Variants in ADCY7 observed in about 807,000 individuals in gnomAD.
ADCY7 encodes adenylate cyclase type 7.
ADCY7 carries 72 observed loss-of-function variants against 120.6 expected under a neutral mutation model. The ratio of observed to expected loss-of-function variants is 0.60; its 90% CI spans 0.49 to 0.73. The LOEUF (loss-of-function observed/expected upper bound fraction) is 0.73. ADCY7 is among the 30% of genes least tolerant of loss of function. The pLI is 0.00. For synonymous variants in ADCY7, 661 were observed against 628.0 expected, an observed-to-expected ratio of 1.05 and a Z score of -0.78; for missense variants, 1,227 against 1,486.0, an observed-to-expected ratio of 0.83 and a Z score of 2.87.
intron 1 of ADCY7, among the ~76,000 whole-genome samples, chr16:50,282,987 G>A (rs997084109): frequency 6.6e-6 from 1 of 152,198 alleles, no homozygotes; most frequent in Non-Finnish European, 1.5e-5. Flanking sequence ...AGCCTGGAAA[G>A]TGTGATGGAG....
At chr16:50,276,448 G>T (rs975215250) in intron 1 of ADCY7, among the ~76,000 whole-genome samples, 2 of 152,220 alleles carry the variant, frequency 1.3e-5, no homozygotes, top group Non-Finnish European at 2.9e-5. Context: ...TTTTGCGCCA[G>T]GGGTGGCTCA....
chr16:50,257,235 C>A (rs1166335533), intron 1 of ADCY7, among the ~76,000 whole-genome samples: 2 of 151,622 alleles, frequency 1.3e-5, no homozygotes, highest in Non-Finnish European at 2.9e-5. Flanking sequence ...TGCAAAAGAC[C>A]ACCACCAACA....
intron 16 of ADCY7, 108 bp downstream of exon 16, chr16:50,308,519 G>T: frequency 1.3e-6 from 2 of 1,568,688 alleles, no homozygotes; most frequent in Admixed American, 1.8e-5. Flanking sequence ...CTCTGGTCAA[G>T]GTTGGGTGCC....
Position 50,312,075 on chromosome 16 carries a change from A to T in ADCY7, c.2488A>T (p.Lys830Ter), listed in dbSNP as rs375900821. The T allele has an allele frequency of 4.0e-4, 642 of 1,614,212 alleles. 1 individual carries two copies. Among genetic ancestry groups the T allele is most frequent in the Admixed American group, 7.8e-4 (47 of 60,028 alleles). Residue 830 changes from lysine (K) to a stop codon, truncating the protein, a stop_gained, in exon 21 of 26, where the codon AAG becomes TAG. Coordinates refer to ENST00000673801, the MANE Select transcript of ADCY7 (RefSeq NM_001114.5). LOFTEE classifies it high-confidence loss of function. ...CCGCTTGGACTGCCTATGGAAGAAG[A>T]AGTTCAAGAAGGAGCACGAGGAGTT... ...YCRLDCLWKK[K>*]FKKEHEEFET...
rs2035122313 is a variant in ADCY7, at chr16:50,293,336, C to G, written c.688-18C>G. Reference sequence around the variant, plus strand: ...TCGCTTTGCTGGTCCCTCTGCTGGTCTGCCCACCCACACCCAGGAGAACCT... The same window carrying G: ...TCGCTTTGCTGGTCCCTCTGCTGGTGTGCCCACCCACACCCAGGAGAACCT... On this transcript the variant is annotated intron_variant, in intron 5 of 25. Transcript: ENST00000673801. 9.9e-6 allele frequency: 16 copies of G among 1,609,852 alleles called. No individual in the cohort carries two copies. Among genetic ancestry groups the G allele is most frequent in the Admixed American group, 1.7e-5 (1 of 59,936 alleles).
chr16:50,312,327 A>ACAATGTATGGC (rs2036533568), intron 21 of ADCY7, 136 bp downstream of exon 21: 2 of 959,412 alleles, frequency 2.1e-6, no homozygotes, highest in African/African-American at 1.6e-5. Context: ...TGCCCAGGCG[A>ACAATGTATGGC]CAATGTATGG....
chr16:50,305,097 A>G (rs2035972983), intron 12 of ADCY7, 138 bp downstream of exon 12: 1 of 1,119,972 alleles, frequency 8.9e-7, no homozygotes, highest in Non-Finnish European at 1.3e-6. Context: ...GGCTTGGGTC[A>G]AAGCATTTCT....
Position 50,308,492 on chromosome 16 carries a change from G to T in ADCY7, c.1935+81G>T, listed in dbSNP as rs541220780. The stretch of plus-strand genomic sequence containing the variant: ...CTAGGAGCCCTCCCTGGTGAGCTTG[G>T]CTGGGCTGAGCCCCTGCTCTGGTCA... On this transcript the variant is annotated intron_variant, in intron 16 of 25. Transcript: ENST00000673801. 1.8e-4 allele frequency: 290 copies of T among 1,594,444 alleles called. 1 individual carries two copies. In the African/African-American group the frequency reaches 3.1e-3, roughly 17 times the overall value.
In ADCY7 at chr16:50,305,949, C is replaced by T. The variant is rs141891723; in HGVS notation, c.1752+100C>T. The T allele has an allele frequency of 1.4e-4, 161 of 1,182,422 alleles. 2 individuals carry two copies. In the African/African-American group the frequency reaches 1.4e-3, roughly 10 times the overall value. 73.2% of individuals were successfully genotyped at this position (1,182,422 alleles called of 1,614,324 possible). A position where few individuals can be genotyped will look rare whatever the true frequency, so the allele number is the denominator to read the frequency against. Reference sequence around the variant, plus strand: ...ATGGGGCAGCCTGCGTTCCCAAGACCGGCTAGGGGAGGGGCACTGAGAATC... The same window carrying T: ...ATGGGGCAGCCTGCGTTCCCAAGACTGGCTAGGGGAGGGGCACTGAGAATC... On this transcript the variant is annotated intron_variant, in intron 14 of 25. Coordinates refer to ENST00000673801, the MANE Select transcript of ADCY7 (RefSeq NM_001114.5).
chr16:50,269,653 A>G (rs531681391), intron 1 of ADCY7, among the ~76,000 whole-genome samples: 1 of 152,202 alleles, frequency 6.6e-6, no homozygotes, highest in East Asian at 1.9e-4. Flanking sequence ...GACCCTCAGC[A>G]CCGCTCCTTG....
Position 50,294,622 on chromosome 16 carries a change from A to ACCCAGCCCCCACCCC in ADCY7, c.837-15_837-14insAGCCCCCACCCCCCC. ...GAGCCTGGCTCTGACACTCCCTCCC[A>ACCCAGCCCCCACCCC]CCCTGCCCCATCCCCAGCATCCTCT... On this transcript the variant is annotated splice_polypyrimidine_tract_variant and intron_variant, in intron 6 of 25. Coordinates refer to ENST00000673801, the MANE Select transcript of ADCY7 (RefSeq NM_001114.5). The ACCCAGCCCCCACCCC allele has an allele frequency of 1.3e-6, 1 of 793,402 alleles. No homozygotes were observed. 49.1% of individuals were successfully genotyped at this position (793,402 alleles called of 1,614,324 possible).
chr16:50,296,144 C>T (rs2035334950), intron 7 of ADCY7, among the ~76,000 whole-genome samples: 1 of 152,160 alleles, frequency 6.6e-6, no homozygotes, highest in South Asian at 2.1e-4. Flanking sequence ...CCTCAACCTG[C>T]CTGGGCTCAG....
At chr16:50,312,769 T>G in intron 21 of ADCY7, 121 bp from the exon 22 acceptor site, 5 of 753,372 alleles carry the variant, frequency 6.6e-6, no homozygotes, top group Non-Finnish European at 9.7e-6. Flanking sequence ...CCCGCCCCCC[T>G]CCCCACTCCC....
intron 19 of ADCY7, among the ~76,000 whole-genome samples, chr16:50,311,397 C>A (rs1438758824): frequency 1.3e-5 from 2 of 152,194 alleles, no homozygotes; most frequent in East Asian, 3.8e-4. Context: ...ATCCACCCCA[C>A]CCCGCCTGCC....
chr16:50,274,894 C>A (rs2033788889), intron 1 of ADCY7, among the ~76,000 whole-genome samples: 1 of 152,150 alleles, frequency 6.6e-6, no homozygotes, highest in Non-Finnish European at 1.5e-5. Flanking sequence ...GCCCGAGTCA[C>A]ACAGCTGGTG....
intron 1 of ADCY7, among the ~76,000 whole-genome samples, chr16:50,273,811 G>T (rs1185492001): frequency 6.6e-6 from 1 of 152,216 alleles, no homozygotes; most frequent in Non-Finnish European, 1.5e-5. Flanking sequence ...CCAGTCTGTG[G>T]AGTATGGGGT....
upstream of ADCY7, among the ~76,000 whole-genome samples, chr16:50,262,931 G>A (rs1162010478): frequency 6.6e-6 from 1 of 152,236 alleles, no homozygotes; most frequent in Non-Finnish European, 1.5e-5. Context: ...TGTGTGCCAG[G>A]GCTGGGAGAT....
At chr16:50,308,587 AC>A (rs2036236215) in intron 16 of ADCY7, 79 bp from the exon 17 acceptor site, 2 of 1,556,054 alleles carry the variant, frequency 1.3e-6, no homozygotes, top group African/African-American at 1.4e-5. Context: ...TCCCGAGGAT[AC>A]CCCTCCCCAG....
At chr16:50,313,130 A>G in intron 22 of ADCY7, 94 bp downstream of exon 22, 1 of 1,531,144 alleles carries the variant, frequency 6.5e-7, no homozygotes, top group Non-Finnish European at 8.8e-7. Context: ...CAATTTAAAA[A>G]TGTGACACAG....
Sources: allele counts gnomAD v4.1 joint callset (sites outside exome capture counted in the v4.1 genomes callset), GRCh38; gene constraint gnomAD v4.1.1; transcripts MANE v1.5; gene names NCBI Gene and HGNC (gene_info 2026-07-23, HGNC 2026-07-21).